The following KSR1 variants were observed in gnomAD, a reference collection of about 807,000 sequenced individuals.
KSR1 encodes the protein kinase suppressor of ras.
A neutral mutation model predicts 92.9 loss-of-function variants in KSR1; 35 were observed. The ratio of observed to expected loss-of-function variants is 0.38; its 90% CI spans 0.29 to 0.50. KSR1 has a LOEUF of 0.50. Among genes scored for constraint, KSR1 ranks in the 20% least tolerant of loss-of-function variants. KSR1 has a pLI of 0.94. For missense variants in KSR1, 972 were observed against 1,158.5 expected (o/e 0.84, Z 2.34); for synonymous variants, 467 against 472.6 (o/e 0.99, Z 0.15).
chr17:27,533,301 C>T (rs1048762218), intron 1 of KSR1, among the ~76,000 whole-genome samples: 4 of 151,800 alleles, frequency 2.6e-5, no homozygotes, highest in Non-Finnish European at 4.4e-5. Context: ...CCTTGGTATC[C>T]ATGGGGGAGT....
At chr17:27,621,152 C>G (rs550882031) in intron 19 of KSR1, 41 bp from the exon 20 acceptor site, 3 of 398,744 alleles carry the variant, frequency 7.5e-6, no homozygotes, top group African/African-American at 6.2e-5. Flanking sequence ...CCGGACTGCG[C>G]TCTTCCCACG....
chr17:27,524,904 G>A (rs2070198491), intron 1 of KSR1, among the ~76,000 whole-genome samples: 1 of 152,164 alleles, frequency 6.6e-6, no homozygotes, highest in Non-Finnish European at 1.5e-5. Flanking sequence ...ACATTATGCT[G>A]TAAGGTGGAA....
rs533909089 is a variant in KSR1 at position 27,456,888 on chromosome 17, G to C, written c.231+14G>C. On this transcript the variant is annotated intron_variant, in intron 1 of 20. Transcript: ENST00000644974. ...CGGACCCTGGAGGTAAGTGGGTCGG[G>C]GACCAGGCTGGGCTCGAGGAGCGGG... 873 of 830,476 alleles carry C rather than the reference G, an allele frequency of 1.1e-3. 2 individuals carry two copies. Among genetic ancestry groups the C allele is most frequent in the Non-Finnish European group, 1.7e-3 (804 of 480,470 alleles). 51.4% of individuals were successfully genotyped at this position (830,476 alleles called of 1,614,324 possible).
chr17:27,507,086 T>C (rs1313327450), intron 1 of KSR1, among the ~76,000 whole-genome samples: 1 of 152,222 alleles, frequency 6.6e-6, no homozygotes, highest in Middle Eastern at 3.2e-3. Flanking sequence ...AGTCGGGGTG[T>C]GCAGTGTAAA....
At chr17:27,491,471 C>T (rs908941023) in intron 1 of KSR1, among the ~76,000 whole-genome samples, 5 of 151,894 alleles carry the variant, frequency 3.3e-5, no homozygotes, top group Non-Finnish European at 5.9e-5. Flanking sequence ...ATTACAGGCA[C>T]GAGCCACTGT....
At chr17:27,484,206 C>T (rs1448458517) in intron 1 of KSR1, among the ~76,000 whole-genome samples, 1 of 152,180 alleles carries the variant, frequency 6.6e-6, no homozygotes, top group African/African-American at 2.4e-5. Context: ...GTCCTTTTCA[C>T]AGATTTCAGA....
intron 18 of KSR1, among the ~76,000 whole-genome samples, chr17:27,613,430 G>A (rs2073974936): frequency 6.6e-6 from 1 of 152,208 alleles, no homozygotes; most frequent in East Asian, 1.9e-4. Flanking sequence ...AAAAGAGGGG[G>A]TCCTCCCAAC....
At chr17:27,541,130 G>C (rs1206676081) in intron 1 of KSR1, among the ~76,000 whole-genome samples, 1 of 152,250 alleles carries the variant, frequency 6.6e-6, no homozygotes, top group Non-Finnish European at 1.5e-5. Flanking sequence ...CTTGGCAGGA[G>C]CAAAGACTGC....
intron 1 of KSR1, among the ~76,000 whole-genome samples, chr17:27,478,651 G>A (rs1161103814): frequency 1.3e-5 from 2 of 152,038 alleles, no homozygotes; most frequent in African/African-American, 4.8e-5. Context: ...TAATGCCACC[G>A]ACCTCCTTGC....
At chr17:27,571,609 A>T (rs2151140128) in intron 2 of KSR1, among the ~76,000 whole-genome samples, 1 of 152,284 alleles carries the variant, frequency 6.6e-6, no homozygotes, top group South Asian at 2.1e-4. Context: ...GGGGTTAAGG[A>T]TCCCTTTCAT....
At chr17:27,623,024 A>T (rs1029723005) in intron 20 of KSR1, 3 of 467,552 alleles carry the variant, frequency 6.4e-6, no homozygotes, top group African/African-American at 2.0e-5. Context: ...TGGGCTGCAA[A>T]TGAGAAAACA....
intron 1 of KSR1, among the ~76,000 whole-genome samples, chr17:27,477,861 C>T (rs919981514): frequency 3.3e-5 from 5 of 152,024 alleles, no homozygotes; most frequent in South Asian, 2.1e-4. Flanking sequence ...TATAGATATG[C>T]GCCACTACAC....
chr17:27,575,982 C>T (rs181551088), intron 2 of KSR1, among the ~76,000 whole-genome samples: 95 of 152,312 alleles, frequency 6.2e-4, no homozygotes, highest in African/African-American at 1.9e-3. Flanking sequence ...ATCCACTTCA[C>T]GTTCATTCAG....
At position 27,507,563 on chromosome 17, in the gene KSR1, CTTTTTTTTTTTTTTTTTTT is replaced by C. The variant is rs751092460; in HGVS notation, c.232-42993_232-42975del. On this transcript the variant is annotated intron_variant, in intron 1 of 20. Coordinates refer to ENST00000644974, the MANE Select transcript of KSR1 (RefSeq NM_001394583.1). ...GATCATTAAAATCTTTATTGTTTGGCTTTTTTTTTTTTTTTTTTTTTTTTTTTTTTGAGACAGAATTTCA... is the reference window on the plus strand; with the variant it reads ...GATCATTAAAATCTTTATTGTTTGGCTTTTTTTTTTTGAGACAGAATTTCA... Among the ~76,000 whole-genome samples the C allele has an allele frequency of 1.8e-4, 8 of 43,324 alleles. 2 individuals carry two copies. The highest frequency in any genetic ancestry group is 1.8e-3 in the Admixed American group (5 of 2,794). The allele number at this position is 43,324 out of a possible 152,430, so 28.4% of individuals were successfully genotyped here.
intron 2 of KSR1, among the ~76,000 whole-genome samples, chr17:27,569,314 C>T (rs534434588): frequency 1.1e-4 from 17 of 152,318 alleles, no homozygotes; most frequent in Non-Finnish European, 1.9e-4. Flanking sequence ...AGGACACATC[C>T]GGCCATTTTC....
intron 6 of KSR1, among the ~76,000 whole-genome samples, chr17:27,590,346 T>C (rs1002043470): frequency 3.3e-5 from 5 of 152,254 alleles, no homozygotes; most frequent in Admixed American, 1.3e-4. Flanking sequence ...TCTTGCTGCA[T>C]AGTATTCCAT....
intron 6 of KSR1, 101 bp downstream of exon 6, chr17:27,588,636 C>T: frequency 9.5e-7 from 1 of 1,055,914 alleles, no homozygotes; most frequent in Non-Finnish European, 1.3e-6. Flanking sequence ...CTCTTTGCCT[C>T]TGACGGGCCT....
rs781136471 is a variant in KSR1, at chr17:27,623,303, C to A, written c.2709-11C>A. 1.3e-6 allele frequency: 1 copy of A among 763,776 alleles called. No individual in the cohort carries two copies. The highest frequency in any genetic ancestry group is 2.4e-6 in the Non-Finnish European group (1 of 417,222). 47.3% of individuals were successfully genotyped at this position (763,776 alleles called of 1,614,324 possible). A position where few individuals can be genotyped will look rare whatever the true frequency, so the allele number is the denominator to read the frequency against. ...TGGGGCTATAATTCTTGTTTTTGTT[C>A]CTCTTTGCAGCATTAACAGCAGCAA... On this transcript the variant is annotated splice_polypyrimidine_tract_variant and intron_variant, in intron 20 of 20. Coordinates refer to ENST00000644974, the MANE Select transcript of KSR1 (RefSeq NM_001394583.1).
rs1304233806 is a variant in KSR1, at chr17:27,465,794, T to C, written c.231+8920T>C. ...TGAGTCCCAATTTATCCAATTAATT[T>C]GGGTTTAGTTTTGATATGGATAAGG... On this transcript the variant is annotated intron_variant, in intron 1 of 20. Coordinates refer to ENST00000644974, the MANE Select transcript of KSR1 (RefSeq NM_001394583.1). Among the ~76,000 whole-genome samples, 4 of 152,096 alleles carry C rather than the reference T, an allele frequency of 2.6e-5. No homozygotes were observed. The East Asian group carries it at 5.8e-4, about 22-fold the overall frequency.
Sources: allele counts gnomAD v4.1 joint callset (sites outside exome capture counted in the v4.1 genomes callset), GRCh38; gene constraint gnomAD v4.1.1; transcripts MANE v1.5; gene names NCBI Gene and HGNC (gene_info 2026-07-23, HGNC 2026-07-21).